The following SLC7A1 variants were observed in gnomAD, a reference collection of about 807,000 sequenced individuals.
The protein encoded by SLC7A1 is high affinity cationic amino acid transporter 1.
In SLC7A1, 10 loss-of-function variants were observed where a neutral mutation model predicts 53.9. That is an observed-to-expected ratio of 0.19 (90% confidence interval 0.11 to 0.31). SLC7A1 has a LOEUF of 0.31. Among genes scored for constraint, SLC7A1 ranks in the 10% least tolerant of loss-of-function variants. SLC7A1 has a pLI of 1.00. For missense variants in SLC7A1, 525 were observed against 827.2 expected (o/e 0.63, Z 4.48); for synonymous variants, 342 against 338.7 (o/e 1.01, Z -0.11).
At chr13:29,566,842 C>A (rs1870987821) in intron 1 of SLC7A1, among the ~76,000 whole-genome samples, 1 of 152,194 alleles carries the variant, frequency 6.6e-6, no homozygotes, top group Admixed American at 6.5e-5. Context: ...TTCCCACTAA[C>A]CATGACAGGC....
chr13:29,560,572 G>C (rs981256384), intron 1 of SLC7A1, among the ~76,000 whole-genome samples: 3 of 151,650 alleles, frequency 2.0e-5, no homozygotes, highest in Non-Finnish European at 4.4e-5. Context: ...TTATTATCAA[G>C]GATTATGTAC....
chr13:29,531,796 T>C (rs1450184143), intron 4 of SLC7A1, among the ~76,000 whole-genome samples: 1 of 152,102 alleles, frequency 6.6e-6, no homozygotes, highest in Non-Finnish European at 1.5e-5. Context: ...ATCGCGCAAC[T>C]GCACTCCAGC....
chr13:29,534,931 AG>A (rs1350700873), intron 3 of SLC7A1, among the ~76,000 whole-genome samples: 2 of 152,258 alleles, frequency 1.3e-5, no homozygotes, highest in African/African-American at 4.8e-5. Context: ...AAGCATAAAG[AG>A]AAGCAAAGCG....
chr13:29,531,900 A>T (rs9578104), intron 4 of SLC7A1, among the ~76,000 whole-genome samples: 13,121 of 152,284 alleles, frequency 0.086, 616 homozygotes, highest in Middle Eastern at 0.15. Flanking sequence ...TAAAGTACAG[A>T]TGTTAGAAGA....
At chr13:29,526,231 G>A (rs939136830) in intron 5 of SLC7A1, among the ~76,000 whole-genome samples, 4 of 152,324 alleles carry the variant, frequency 2.6e-5, no homozygotes, top group South Asian at 2.1e-4. Context: ...ATGGGAGGCC[G>A]AGGCGGGAGA....
intron 2 of SLC7A1, among the ~76,000 whole-genome samples, chr13:29,542,110 C>A (rs140168638): frequency 6.6e-6 from 1 of 152,152 alleles, no homozygotes; most frequent in East Asian, 1.9e-4. Context: ...TGTTCACCTA[C>A]GGGGAGTACA....
At chr13:29,517,012 T>C in intron 11 of SLC7A1, 132 bp downstream of exon 11, 1 of 782,824 alleles carries the variant, frequency 1.3e-6, no homozygotes, top group South Asian at 2.0e-5. Flanking sequence ...CTGCCCCATC[T>C]TACCTGAAGC....
chr13:29,514,355 T>A lies in SLC7A1; in HGVS notation c.*125A>T. ...GGCTGCAGGTCAAGTAATTGCACCT[T>A]TGGCTGCAGTGAGGGTGTGGACGCA... On this transcript the variant is annotated 3_prime_UTR_variant, in exon 13 of 13. Transcript: ENST00000380752. The A allele has an allele frequency of 1.5e-6, 1 of 662,954 alleles. No individual in the cohort carries two copies. 41.1% of individuals were successfully genotyped at this position (662,954 alleles called of 1,614,324 possible).
Position 29,532,945 on chromosome 13 carries a change from G to A in SLC7A1, c.408C>T (p.Phe136=), listed in dbSNP as rs144196494. The A allele has an allele frequency of 5.6e-6, 9 of 1,613,892 alleles. No homozygotes were observed. Among genetic ancestry groups the A allele is most frequent in the East Asian group, 2.2e-5 (1 of 44,884 alleles). The change falls in exon 4 of 13, where the codon TTC becomes TTT. Residue 136 remains phenylalanine, a synonymous_variant. Transcript: ENST00000380752. ...SSVARAWSAT[F]DELIGRPIGE... ...CGATGGGTCTGCCTATCAGCTCGTC[G>A]AAGGTGGCGCTCCAGGCCCTCGCTA... is the stretch of plus-strand genomic sequence containing the variant.
At chr13:29,531,280 C>T (rs768306006) in intron 4 of SLC7A1, among the ~76,000 whole-genome samples, 15 of 151,952 alleles carry the variant, frequency 9.9e-5, no homozygotes, top group Non-Finnish European at 1.3e-4. Context: ...TATAAAATAA[C>T]ATCTGAGCTA....
chr13:29,555,454 T>C (rs1870398925), intron 1 of SLC7A1, among the ~76,000 whole-genome samples: 1 of 150,472 alleles, frequency 6.6e-6, no homozygotes, highest in African/African-American at 2.4e-5. Context: ...CAATAGTATT[T>C]AAAACACAGT....
chr13:29,554,994 A>G (rs1022552183), intron 1 of SLC7A1, among the ~76,000 whole-genome samples: 3 of 152,150 alleles, frequency 2.0e-5, no homozygotes, highest in Admixed American at 6.5e-5. Context: ...TTTCCTCATG[A>G]CCATCGTGAT....
At chr13:29,559,584 C>T (rs376371336) in intron 1 of SLC7A1, among the ~76,000 whole-genome samples, 1 of 151,660 alleles carries the variant, frequency 6.6e-6, no homozygotes. Context: ...TAGGACATGA[C>T]TGCACACTGC....
intron 1 of SLC7A1, among the ~76,000 whole-genome samples, chr13:29,580,969 C>T (rs919796965): frequency 2.6e-5 from 4 of 152,104 alleles, no homozygotes; most frequent in African/African-American, 4.8e-5. Flanking sequence ...CAGAGCCTCC[C>T]GGAGAAGAGC....
At chr13:29,529,849 T>C (rs1189643129) in intron 5 of SLC7A1, among the ~76,000 whole-genome samples, 1 of 152,294 alleles carries the variant, frequency 6.6e-6, no homozygotes, top group African/African-American at 2.4e-5. Flanking sequence ...ATAAAAAAGA[T>C]ATGACTGTTT....
chr13:29,517,071 C>G (rs374157348), intron 11 of SLC7A1, 73 bp downstream of exon 11: 1 of 1,435,250 alleles, frequency 7.0e-7, no homozygotes, highest in Non-Finnish European at 9.3e-7. Context: ...GCTGAGCCCA[C>G]GCAGGGCTGG....
intron 1 of SLC7A1, among the ~76,000 whole-genome samples, chr13:29,563,521 A>G (rs1870847900): frequency 1.3e-5 from 2 of 152,210 alleles, no homozygotes; most frequent in South Asian, 4.1e-4. Context: ...GAGAATAACT[A>G]AGAAGAAACA....
chr13:29,515,678 T>G (rs1593537347), intron 12 of SLC7A1, among the ~76,000 whole-genome samples: 1 of 152,138 alleles, frequency 6.6e-6, no homozygotes, highest in African/African-American at 2.4e-5. Context: ...TGGTGATCTA[T>G]CTCATGTGGA....
chr13:29,510,369 G>T lies in SLC7A1; in HGVS notation c.*4111C>A, dbSNP rs1883354820. On this transcript the variant is annotated 3_prime_UTR_variant, in exon 13 of 13. Transcript: ENST00000380752. ...TCATAAGCGTGATGACACATGGAGT[G>T]TAGCTTCTTGCACCACTGGATCAAC... is the stretch of plus-strand genomic sequence containing the variant. 2 of 152,630 alleles carry T rather than the reference G, an allele frequency of 1.3e-5. No individual in the cohort carries two copies. Among genetic ancestry groups the T allele is most frequent in the African/African-American group, 2.4e-5 (1 of 41,442 alleles). The allele number at this position is 152,630 out of a possible 1,614,324, so 9.5% of individuals were successfully genotyped here.
Sources: allele counts gnomAD v4.1 joint callset (sites outside exome capture counted in the v4.1 genomes callset), GRCh38; gene constraint gnomAD v4.1.1; transcripts MANE v1.5; gene names NCBI Gene and HGNC (gene_info 2026-07-23, HGNC 2026-07-21).